Variants in DYM observed in about 807,000 individuals in gnomAD.
DYM encodes the protein dymeclin.
A neutral mutation model predicts 93.1 loss-of-function variants in DYM; 78 were observed. The ratio of observed to expected loss-of-function variants is 0.84; its 90% confidence interval spans 0.70 to 1.01. The LOEUF is 1.01. Ranked by LOEUF, DYM falls within the 50% of genes least tolerant of loss-of-function variation. The pLI is 0.00. For missense variants in DYM, 789 were observed against 845.0 expected, an observed-to-expected ratio of 0.93 and a Z score of 0.82; for synonymous variants, 321 against 319.7, an observed-to-expected ratio of 1.00 and a Z score of -0.04.
intron 4 of DYM, 78 bp downstream of exon 4, chr18:49,379,587 T>C: frequency 8.4e-7 from 1 of 1,196,920 alleles, no homozygotes; most frequent in Non-Finnish European, 1.2e-6. Context: ...AAGACCACAG[T>C]CCATTTCCAT....
chr18:49,139,359 T>C (rs2084207488), intron 15 of DYM, among the ~76,000 whole-genome samples: 1 of 152,182 alleles, frequency 6.6e-6, no homozygotes, highest in African/African-American at 2.4e-5. Flanking sequence ...ACTATTATTT[T>C]AAATTTTATA....
chr18:49,423,674 A>G (rs75096590), intron 2 of DYM, among the ~76,000 whole-genome samples: 13,924 of 152,192 alleles, frequency 0.091, 854 homozygotes, highest in East Asian at 0.31. Flanking sequence ...AAGAAAAGAG[A>G]GAAGAATCAA....
At chr18:49,362,427 G>A (rs1357407366) in intron 6 of DYM, among the ~76,000 whole-genome samples, 2 of 152,134 alleles carry the variant, frequency 1.3e-5, no homozygotes, top group Non-Finnish European at 1.5e-5. Flanking sequence ...TTACAGCAGT[G>A]TTAACAAATA....
intron 2 of DYM, among the ~76,000 whole-genome samples, chr18:49,420,174 T>G (rs7242490): frequency 1.3e-4 from 18 of 138,998 alleles, no homozygotes; most frequent in Admixed American, 6.9e-5. Context: ...CGTTTTTTTT[T>G]TTTTTTTTTT....
chr18:49,340,247 C>T (rs190304438), intron 6 of DYM, among the ~76,000 whole-genome samples: 3 of 152,152 alleles, frequency 2.0e-5, no homozygotes, highest in East Asian at 3.9e-4. Context: ...CCACTGCACC[C>T]GGCCCACGTG....
At chr18:49,081,902 GGTTT>G (rs1372259288) in intron 17 of DYM, among the ~76,000 whole-genome samples, 12 of 152,214 alleles carry the variant, frequency 7.9e-5, no homozygotes, top group Non-Finnish European at 1.5e-4. Context: ...TCAGGAAGTA[GGTTT>G]GTTATTTTCC....
At chr18:49,170,534 C>A (rs1425871293) in intron 14 of DYM, among the ~76,000 whole-genome samples, 3 of 152,022 alleles carry the variant, frequency 2.0e-5, no homozygotes, top group Admixed American at 6.6e-5. Context: ...GTAATCCCAG[C>A]GCTTTGGGAG....
intron 3 of DYM, among the ~76,000 whole-genome samples, chr18:49,390,963 A>T (rs1333921943): frequency 2.6e-5 from 4 of 152,240 alleles, no homozygotes; most frequent in Non-Finnish European, 5.9e-5. Context: ...TCCAATTGCT[A>T]TGAACTTGAA....
At chr18:49,392,755 G>GGAGGCTGA (rs2069432263) in intron 2 of DYM, among the ~76,000 whole-genome samples, 1 of 148,094 alleles carries the variant, frequency 6.8e-6, no homozygotes. Context: ...CAGCACTTTG[G>GGAGGCTGA]GAGGCTGAGG....
chr18:49,253,525 T>C (rs979998609), intron 13 of DYM, among the ~76,000 whole-genome samples: 11 of 152,204 alleles, frequency 7.2e-5, no homozygotes, highest in African/African-American at 1.9e-4. Context: ...TTAATGTGGA[T>C]ACAAATCATC....
At chr18:49,086,254 G>A (rs1457766353) in intron 17 of DYM, among the ~76,000 whole-genome samples, 1 of 152,204 alleles carries the variant, frequency 6.6e-6, no homozygotes, top group Non-Finnish European at 1.5e-5. Flanking sequence ...GGGTGTTCTT[G>A]CTGGTGGAGA....
intron 8 of DYM, among the ~76,000 whole-genome samples, chr18:49,314,154 G>A (rs1020451762): frequency 3.2e-4 from 48 of 152,084 alleles, no homozygotes; most frequent in Non-Finnish European, 5.9e-4. Flanking sequence ...TTTACACACA[G>A]AACCACCTGT....
At chr18:49,139,088 A>G (rs2084171899) in intron 15 of DYM, among the ~76,000 whole-genome samples, 3 of 152,090 alleles carry the variant, frequency 2.0e-5, no homozygotes, top group African/African-American at 4.8e-5. Flanking sequence ...AGTTTTGAAA[A>G]CGATTTCAAA....
At chr18:49,068,604 C>G (rs985711322) in intron 17 of DYM, among the ~76,000 whole-genome samples, 1 of 152,162 alleles carries the variant, frequency 6.6e-6, no homozygotes, top group Non-Finnish European at 1.5e-5. Context: ...CAAGCCAGAA[C>G]AACTCCAAAA....
intron 15 of DYM, among the ~76,000 whole-genome samples, chr18:49,142,152 C>T (rs964225880): frequency 2.1e-4 from 32 of 151,966 alleles, no homozygotes; most frequent in African/African-American, 5.8e-4. Context: ...TGAGCCACCG[C>T]GCCTGGCCAA....
At chr18:49,218,957 G>A (rs2093213407) in intron 13 of DYM, among the ~76,000 whole-genome samples, 1 of 152,144 alleles carries the variant, frequency 6.6e-6, no homozygotes, top group African/African-American at 2.4e-5. Context: ...AAAAATTAAT[G>A]AATTCAGGAG....
At chr18:49,255,286 G>A (rs2094368115) in intron 13 of DYM, among the ~76,000 whole-genome samples, 1 of 152,196 alleles carries the variant, frequency 6.6e-6, no homozygotes, top group Non-Finnish European at 1.5e-5. Flanking sequence ...ACTGAGGCAG[G>A]AGGATCCCTT....
rs185877953 is a variant in DYM, at chr18:49,220,749, T to A, written c.1461-11034A>T. On this transcript the variant is annotated intron_variant, in intron 13 of 17. Coordinates refer to ENST00000675505, the MANE Select transcript of DYM (RefSeq NM_001353214.3). ...CTCTTCCTTACATCTTATACAAAAA[T>A]TAATTCAAGATGGATTAAAGACTTA... Among the ~76,000 whole-genome samples the A allele has an allele frequency of 6.8e-4, 103 of 152,296 alleles. 2 individuals carry two copies. The highest frequency in any genetic ancestry group is 1.5e-4 in the Non-Finnish European group (10 of 68,024).
chr18:49,262,016 CA>C (rs1465550102), intron 11 of DYM, among the ~76,000 whole-genome samples: 1 of 152,104 alleles, frequency 6.6e-6, no homozygotes, highest in Non-Finnish European at 1.5e-5. Context: ...GGTTTCCCCC[CA>C]AATCTATGTC....
Sources: allele counts gnomAD v4.1 joint callset (sites outside exome capture counted in the v4.1 genomes callset), GRCh38; gene constraint gnomAD v4.1.1; transcripts MANE v1.5; gene names NCBI Gene and HGNC (gene_info 2026-07-23, HGNC 2026-07-21).